LRP1B: variants seen among roughly 807,000 people sequenced by gnomAD.
The protein encoded by LRP1B is low-density lipoprotein receptor-related protein 1B.
A neutral mutation model predicts 556.6 loss-of-function variants in LRP1B; 217 were observed. The ratio of observed to expected loss-of-function variants is 0.39; its 90% CI spans 0.35 to 0.44. The LOEUF is 0.44. Ranked by LOEUF, LRP1B falls within the 20% of genes least tolerant of loss-of-function variation. The pLI is 1.00. For synonymous variants in LRP1B, 2,047 were observed against 1,865.8 expected, an observed-to-expected ratio of 1.10 and a Z score of -2.50; for missense variants, 5,053 against 5,620.8, an observed-to-expected ratio of 0.90 and a Z score of 3.23.
intron 20 of LRP1B, among the ~76,000 whole-genome samples, chr2:140,932,886 T>TACACACACAC (rs373649277): frequency 0.16 from 19,803 of 127,316 alleles, 1,777 homozygotes; most frequent in African/African-American, 0.22. Flanking sequence ...TCTCTCCCTA[T>TACACACACAC]ACACACACAC....
chr2:140,350,762 T>A (rs1681920920), intron 77 of LRP1B, 35 bp downstream of exon 77: 3 of 1,595,600 alleles, frequency 1.9e-6, no homozygotes, highest in Non-Finnish European at 2.6e-6. Flanking sequence ...GGGGAAAAGG[T>A]ATGGACTTTC....
chr2:141,738,244 T>C (rs922663487), intron 2 of LRP1B, among the ~76,000 whole-genome samples: 18 of 152,174 alleles, frequency 1.2e-4, no homozygotes, highest in Non-Finnish European at 1.9e-4. Context: ...CCGACTCTTA[T>C]ACAAATGGAC....
chr2:141,102,701 C>A (rs1700497347), intron 7 of LRP1B, among the ~76,000 whole-genome samples: 1 of 152,042 alleles, frequency 6.6e-6, no homozygotes, highest in Admixed American at 6.6e-5. Context: ...ACATAAACAT[C>A]AGTTAATCCA....
chr2:141,849,424 C>G (rs1414847731), intron 1 of LRP1B, among the ~76,000 whole-genome samples: 1 of 151,594 alleles, frequency 6.6e-6, no homozygotes, highest in Non-Finnish European at 1.5e-5. Context: ...TAATAGAGAT[C>G]TTAAGCACGC....
At chr2:140,435,974 C>G (rs1307790912) in intron 66 of LRP1B, among the ~76,000 whole-genome samples, 1 of 150,424 alleles carries the variant, frequency 6.6e-6, no homozygotes, top group African/African-American at 2.4e-5. Context: ...CTCTTCCTTT[C>G]TCTCTCTCTC....
intron 60 of LRP1B, among the ~76,000 whole-genome samples, chr2:140,469,119 A>T (rs1687665481): frequency 6.6e-6 from 1 of 152,150 alleles, no homozygotes; most frequent in African/African-American, 2.4e-5. Flanking sequence ...GGGCCCAGGG[A>T]TAGAATGCTA....
intron 11 of LRP1B, among the ~76,000 whole-genome samples, chr2:141,020,906 C>T (rs1014554472): frequency 3.3e-5 from 5 of 151,994 alleles, no homozygotes; most frequent in Non-Finnish European, 7.4e-5. Flanking sequence ...AGCCTTATGA[C>T]CCACAGTGTG....
intron 25 of LRP1B, among the ~76,000 whole-genome samples, chr2:140,880,883 A>C (rs1693451555): frequency 6.6e-6 from 1 of 152,130 alleles, no homozygotes; most frequent in Non-Finnish European, 1.5e-5. Context: ...GCATGCATTC[A>C]TTTGTTTAAC....
chr2:140,999,811 G>A (rs10194332), intron 15 of LRP1B, among the ~76,000 whole-genome samples: 1 of 151,798 alleles, frequency 6.6e-6, no homozygotes, highest in African/African-American at 2.4e-5. Flanking sequence ...AGGATGAAAG[G>A]TTGGAGATAC....
At chr2:140,484,694 T>C (rs1201517379) in intron 59 of LRP1B, among the ~76,000 whole-genome samples, 1 of 152,168 alleles carries the variant, frequency 6.6e-6, no homozygotes, top group Non-Finnish European at 1.5e-5. Context: ...TCATAATCTA[T>C]AGAACTTTAG....
chr2:141,140,423 G>A (rs908206668), intron 7 of LRP1B, among the ~76,000 whole-genome samples: 4 of 152,086 alleles, frequency 2.6e-5, no homozygotes, highest in African/African-American at 9.7e-5. Flanking sequence ...ACTGAATTGT[G>A]TTATCCCAAA....
At chr2:141,150,663 G>T (rs184508477) in intron 7 of LRP1B, among the ~76,000 whole-genome samples, 1 of 152,004 alleles carries the variant, frequency 6.6e-6, no homozygotes, top group Non-Finnish European at 1.5e-5. Context: ...ATTATTTCAC[G>T]TCCAAAATCC....
intron 59 of LRP1B, among the ~76,000 whole-genome samples, chr2:140,480,220 T>C (rs767756655): frequency 2.0e-5 from 3 of 152,318 alleles, no homozygotes; most frequent in Non-Finnish European, 2.9e-5. Context: ...GAGGAAGTAA[T>C]ATTTCTGCTC....
In LRP1B at chr2:140,280,941, A is replaced by AC. The variant is rs1682888739; in HGVS notation, c.12968-6344dup. 2.6e-5 allele frequency among the ~76,000 whole-genome samples: 4 copies of AC among 151,946 alleles called. No homozygotes were observed. The South Asian group carries it at 8.3e-4, about 31-fold the overall frequency. On this transcript the variant is annotated intron_variant, in intron 84 of 90. Transcript: ENST00000389484. ...TGTTAGGGTAATTACACTAAGAACTACCTAGTAGCACCAAACACAATAATG... is the reference window on the plus strand; with the variant it reads ...TGTTAGGGTAATTACACTAAGAACTACCCTAGTAGCACCAAACACAATAATG...
intron 7 of LRP1B, among the ~76,000 whole-genome samples, chr2:141,096,314 G>A (rs184993159): frequency 1.8e-4 from 27 of 152,046 alleles, no homozygotes; most frequent in Admixed American, 3.9e-4. Context: ...TCGGCCAGGC[G>A]CAGTGGCTCA....
intron 35 of LRP1B, among the ~76,000 whole-genome samples, chr2:140,765,998 A>G (rs932182837): frequency 5.9e-5 from 9 of 152,010 alleles, no homozygotes; most frequent in African/African-American, 2.2e-4. Flanking sequence ...ATGTACCCTA[A>G]AACTTAAAGT....
At chr2:140,862,933 A>T (rs1359024672) in intron 27 of LRP1B, among the ~76,000 whole-genome samples, 1 of 152,124 alleles carries the variant, frequency 6.6e-6, no homozygotes, top group Non-Finnish European at 1.5e-5. Flanking sequence ...ACACTCCATA[A>T]TTGGCACTCC....
intron 6 of LRP1B, among the ~76,000 whole-genome samples, chr2:141,226,666 C>T (rs760147256): frequency 3.3e-5 from 5 of 152,018 alleles, no homozygotes; most frequent in African/African-American, 9.7e-5. Flanking sequence ...ATTATTTTTG[C>T]TTATATGGTA....
intron 37 of LRP1B, among the ~76,000 whole-genome samples, chr2:140,713,575 G>A (rs933217931): frequency 5.9e-5 from 9 of 151,992 alleles, no homozygotes; most frequent in African/African-American, 2.2e-4. Context: ...GCTGAGGAGA[G>A]AGGGTCCAGG....
Sources: gnomAD v4.1 joint callset for allele counts (sites outside exome capture counted in the v4.1 genomes callset) on GRCh38, gnomAD v4.1.1 for gene constraint, MANE v1.5 for transcripts, NCBI Gene and HGNC (gene_info 2026-07-23, HGNC 2026-07-21) for gene names.